NAALADL2: variants seen among roughly 807,000 people sequenced by gnomAD.
The protein encoded by NAALADL2 is inactive N-acetylated-alpha-linked acidic dipeptidase-like protein 2.
A neutral mutation model predicts 87.2 loss-of-function variants in NAALADL2; 76 were observed. The observed-to-expected ratio is 0.87, with a 90% CI of 0.72 to 1.05. NAALADL2 has a LOEUF of 1.05. Among genes scored for constraint, NAALADL2 ranks in the 50% least tolerant of loss-of-function variants. NAALADL2 has a pLI of 0.00. For synonymous variants in NAALADL2, 354 were observed against 331.0 expected (o/e 1.07, Z -0.75); for missense variants, 1,089 against 945.8 (o/e 1.15, Z -1.99).
At chr3:174,990,762 A>C (rs993954778) in intron 1 of NAALADL2, among the ~76,000 whole-genome samples, 1 of 151,980 alleles carries the variant, frequency 6.6e-6, no homozygotes, top group Admixed American at 6.6e-5. Context: ...TCACTTGGGG[A>C]GCTTTTAAAA....
At chr3:175,663,771 A>T (rs1389969919) in intron 11 of NAALADL2, among the ~76,000 whole-genome samples, 1 of 151,916 alleles carries the variant, frequency 6.6e-6, no homozygotes, top group African/African-American at 2.4e-5. Context: ...TAGAACTTTT[A>T]ATTTGTATTT....
intron 3 of NAALADL2, among the ~76,000 whole-genome samples, chr3:174,750,115 T>C (rs1285310023): frequency 6.6e-6 from 1 of 152,248 alleles, no homozygotes; most frequent in Non-Finnish European, 1.5e-5. Context: ...CTATTGTTTG[T>C]TTTATATGCA....
At chr3:175,780,208 G>A (rs570727137) in intron 13 of NAALADL2, among the ~76,000 whole-genome samples, 9 of 151,630 alleles carry the variant, frequency 5.9e-5, no homozygotes, top group African/African-American at 1.4e-4. Context: ...TCCAGGAGGC[G>A]GAGCTTGCAG....
intron 1 of NAALADL2, among the ~76,000 whole-genome samples, chr3:174,860,710 T>TAAGG (rs1283134021): frequency 6.6e-6 from 1 of 152,092 alleles, no homozygotes; most frequent in African/African-American, 2.4e-5. Flanking sequence ...CAAAATAAAC[T>TAAGG]AAGGAGTAAC....
At chr3:175,225,390 C>T (rs1446688220) in intron 2 of NAALADL2, among the ~76,000 whole-genome samples, 1 of 151,960 alleles carries the variant, frequency 6.6e-6, no homozygotes, top group African/African-American at 2.4e-5. Context: ...ATTGTGGTTA[C>T]CATTTACTAA....
intron 3 of NAALADL2, among the ~76,000 whole-genome samples, chr3:175,249,282 A>G (rs1031133708): frequency 2.0e-5 from 3 of 152,092 alleles, no homozygotes; most frequent in African/African-American, 7.2e-5. Flanking sequence ...TAAAATTCTA[A>G]TTAAAGATTG....
At chr3:175,440,170 T>C (rs1719491330) in intron 5 of NAALADL2, among the ~76,000 whole-genome samples, 1 of 152,118 alleles carries the variant, frequency 6.6e-6, no homozygotes, top group Non-Finnish European at 1.5e-5. Flanking sequence ...GTTTTTGTTT[T>C]CTTTGTTGAA....
At chr3:174,814,882 T>C (rs1720622009) in intron 3 of NAALADL2, among the ~76,000 whole-genome samples, 1 of 152,218 alleles carries the variant, frequency 6.6e-6, no homozygotes, top group African/African-American at 2.4e-5. Context: ...AGAAGTAGTC[T>C]GTGGGTACGT....
chr3:174,674,793 A>T (rs1202017398), intron 2 of NAALADL2, among the ~76,000 whole-genome samples: 2 of 151,982 alleles, frequency 1.3e-5, no homozygotes, highest in African/African-American at 4.8e-5. Context: ...CTCATCCCAG[A>T]ATCTACTCAA....
chr3:175,763,455 G>T (rs1748301025), intron 13 of NAALADL2, among the ~76,000 whole-genome samples: 1 of 152,130 alleles, frequency 6.6e-6, no homozygotes, highest in African/African-American at 2.4e-5. Flanking sequence ...GGCTACTGTT[G>T]TGTCTCTATC....
intron 1 of NAALADL2, among the ~76,000 whole-genome samples, chr3:174,987,841 C>G (rs570116251): frequency 2.2e-5 from 3 of 133,684 alleles, no homozygotes; most frequent in African/African-American, 3.5e-5. Context: ...GAGACCTTGT[C>G]TCTCCAAGGT....
intron 2 of NAALADL2, among the ~76,000 whole-genome samples, chr3:174,650,553 G>T (rs1724250356): frequency 6.6e-6 from 1 of 152,078 alleles, no homozygotes; most frequent in Non-Finnish European, 1.5e-5. Context: ...AAGTTTTAAA[G>T]ATATGGAATT....
At chr3:175,260,961 G>A (rs1055889665) in intron 4 of NAALADL2, among the ~76,000 whole-genome samples, 1 of 152,020 alleles carries the variant, frequency 6.6e-6, no homozygotes, top group East Asian at 1.9e-4. Context: ...TTGCAGGGTA[G>A]GAACTATGAA....
intron 1 of NAALADL2, among the ~76,000 whole-genome samples, chr3:175,058,441 T>G (rs1369452905): frequency 3.3e-5 from 5 of 152,190 alleles, no homozygotes; most frequent in Non-Finnish European, 7.3e-5. Flanking sequence ...AAGTCTCTAT[T>G]TTACTGAGGG....
intron 1 of NAALADL2, among the ~76,000 whole-genome samples, chr3:174,914,132 G>A (rs1015109736): frequency 4.7e-5 from 7 of 149,616 alleles, no homozygotes; most frequent in South Asian, 2.1e-4. Context: ...GTGTGATCTC[G>A]GCTCACTGCA....
chr3:174,535,449 T>C (rs1334897277), intron 1 of NAALADL2, among the ~76,000 whole-genome samples: 1 of 152,154 alleles, frequency 6.6e-6, no homozygotes, highest in East Asian at 1.9e-4. Context: ...CTCATTCTAC[T>C]GTTGTTAGTA....
At chr3:175,042,879 C>T in intron 1 of NAALADL2, among the ~76,000 whole-genome samples, 1 of 151,950 alleles carries the variant, frequency 6.6e-6, no homozygotes, top group Non-Finnish European at 1.5e-5. Context: ...AAATTAATGC[C>T]CTCCCTAGGG....
At chr3:174,787,589 A>ATATATATATACATATATATATATATATG (rs1716862294) in intron 3 of NAALADL2, among the ~76,000 whole-genome samples, 2 of 62,496 alleles carry the variant, frequency 3.2e-5, no homozygotes, top group East Asian at 1.1e-3. Flanking sequence ...ATATATATAT[A>ATATATATATACATATATATATATATATG]TATATATATA....
intron 2 of NAALADL2, among the ~76,000 whole-genome samples, chr3:175,181,693 A>G (rs1471029274): frequency 0.095 from 4,570 of 48,066 alleles, 410 homozygotes; most frequent in African/African-American, 0.18. Context: ...ATATATATAT[A>G]TATATATATA....
Sources: gnomAD v4.1 joint callset for allele counts (sites outside exome capture counted in the v4.1 genomes callset) on GRCh38, gnomAD v4.1.1 for gene constraint, MANE v1.5 for transcripts, NCBI Gene and HGNC (gene_info 2026-07-23, HGNC 2026-07-21) for gene names.